Variants in KCTD16 observed in about 807,000 individuals in gnomAD.
The protein encoded by KCTD16 is potassium channel tetramerization domain containing 16.
In KCTD16, 13 loss-of-function variants were observed where a neutral mutation model predicts 33.2. That is an observed-to-expected ratio of 0.39 (90% CI 0.25 to 0.62). The LOEUF (loss-of-function observed/expected upper bound fraction) is 0.62. Among genes scored for constraint, KCTD16 ranks in the 20% least tolerant of loss-of-function variants. The pLI is 0.50. For missense variants in KCTD16, 441 were observed against 525.1 expected (o/e 0.84, Z 1.57); for synonymous variants, 197 against 195.3 (o/e 1.01, Z -0.07).
chr5:144,470,938 T>C (rs897881441), intron 3 of KCTD16, among the ~76,000 whole-genome samples: 1 of 152,150 alleles, frequency 6.6e-6, no homozygotes, highest in Non-Finnish European at 1.5e-5. Context: ...CCCAGCACTT[T>C]GGGAGGCCAA....
chr5:144,428,433 CA>C (rs1451378616), intron 3 of KCTD16, among the ~76,000 whole-genome samples: 1 of 152,050 alleles, frequency 6.6e-6, no homozygotes, highest in East Asian at 1.9e-4. Flanking sequence ...GGTAGATTAC[CA>C]AGTCAGAATA....
chr5:144,286,467 T>C (rs1484678870), intron 3 of KCTD16, among the ~76,000 whole-genome samples: 1 of 152,214 alleles, frequency 6.6e-6, no homozygotes, highest in Non-Finnish European at 1.5e-5. Context: ...CAGCTTATAC[T>C]GCAAGCCTTA....
intron 2 of KCTD16, among the ~76,000 whole-genome samples, chr5:144,193,476 G>C (rs2126781364): frequency 6.6e-6 from 1 of 152,066 alleles, no homozygotes; most frequent in South Asian, 2.1e-4. Flanking sequence ...CCCCTCCCCA[G>C]AGTCTCAGCC....
At chr5:144,181,318 AAAAC>A (rs1351573778) in intron 2 of KCTD16, among the ~76,000 whole-genome samples, 1 of 152,186 alleles carries the variant, frequency 6.6e-6, no homozygotes, top group East Asian at 1.9e-4. Context: ...ATGTAATTGA[AAAAC>A]AAAACAAAAC....
chr5:144,211,912 C>T (rs1476827547), intron 3 of KCTD16, among the ~76,000 whole-genome samples: 1 of 152,122 alleles, frequency 6.6e-6, no homozygotes, highest in East Asian at 1.9e-4. Context: ...CCAGTTCTTT[C>T]TCCCATGCCA....
At chr5:144,366,509 G>A (rs1388976972) in intron 3 of KCTD16, among the ~76,000 whole-genome samples, 1 of 152,162 alleles carries the variant, frequency 6.6e-6, no homozygotes, top group Non-Finnish European at 1.5e-5. Flanking sequence ...AGAATAAGGA[G>A]TTTGGAATTC....
chr5:144,455,541 A>G (rs1001596530), intron 3 of KCTD16, among the ~76,000 whole-genome samples: 8 of 152,190 alleles, frequency 5.3e-5, no homozygotes, highest in Non-Finnish European at 8.8e-5. Flanking sequence ...GCAAGACACA[A>G]CTACTGTGTT....
At chr5:144,181,305 G>A (rs553892589) in intron 2 of KCTD16, among the ~76,000 whole-genome samples, 1 of 152,198 alleles carries the variant, frequency 6.6e-6, no homozygotes, top group Admixed American at 6.5e-5. Context: ...ACTTCTCAAT[G>A]GGATGTAATT....
At chr5:144,436,982 G>A (rs73299612) in intron 3 of KCTD16, among the ~76,000 whole-genome samples, 11,888 of 152,152 alleles carry the variant, frequency 0.078, 1,553 homozygotes, top group African/African-American at 0.27. Context: ...ATTCTTGGCT[G>A]TTGATGATAA....
intron 3 of KCTD16, among the ~76,000 whole-genome samples, chr5:144,393,685 G>A (rs1033183806): frequency 2.6e-5 from 4 of 152,092 alleles, no homozygotes; most frequent in African/African-American, 9.7e-5. Flanking sequence ...GAGAGAGTAG[G>A]CTATATATTT....
At chr5:144,388,361 G>A (rs111549346) in intron 3 of KCTD16, among the ~76,000 whole-genome samples, 4,504 of 152,062 alleles carry the variant, frequency 0.03, 108 homozygotes, top group African/African-American at 0.055. Context: ...GATTACAGGC[G>A]TGAGCCACCG....
chr5:144,370,522 C>T (rs1038541418), intron 3 of KCTD16, among the ~76,000 whole-genome samples: 6 of 152,074 alleles, frequency 3.9e-5, no homozygotes, highest in East Asian at 1.9e-4. Flanking sequence ...CAGAAGGGAC[C>T]GGATCAACTT....
chr5:144,462,755 G>A (rs953744594), intron 3 of KCTD16, among the ~76,000 whole-genome samples: 18 of 151,998 alleles, frequency 1.2e-4, no homozygotes, highest in East Asian at 7.7e-4. Context: ...GTTCCATGCC[G>A]TCTGGTCTTG....
chr5:144,237,768 A>C (rs192171959), intron 3 of KCTD16, among the ~76,000 whole-genome samples: 1 of 152,098 alleles, frequency 6.6e-6, no homozygotes, highest in Admixed American at 6.6e-5. Context: ...CTCCACCTCC[A>C]TGTAAGTTAT....
At chr5:144,452,259 G>A (rs1216741636) in intron 3 of KCTD16, among the ~76,000 whole-genome samples, 1 of 151,154 alleles carries the variant, frequency 6.6e-6, no homozygotes, top group Non-Finnish European at 1.5e-5. Flanking sequence ...CAGATTCCCA[G>A]GATAATCTAT....
chr5:144,310,056 G>A (rs1751719638), intron 3 of KCTD16, among the ~76,000 whole-genome samples: 1 of 147,864 alleles, frequency 6.8e-6, no homozygotes, highest in South Asian at 2.1e-4. Context: ...TTTAAATACT[G>A]TGTTGCCTTA....
chr5:144,250,453 C>T (rs1467543950), intron 3 of KCTD16, among the ~76,000 whole-genome samples: 1 of 152,174 alleles, frequency 6.6e-6, no homozygotes, highest in African/African-American at 2.4e-5. Context: ...ACAAAATTGA[C>T]ATTTTACATT....
At chr5:144,302,263 A>G (rs1425493711) in intron 3 of KCTD16, among the ~76,000 whole-genome samples, 1 of 152,226 alleles carries the variant, frequency 6.6e-6, no homozygotes, top group South Asian at 2.1e-4. Flanking sequence ...ATGAATTTCA[A>G]AGTACTCTGG....
At chr5:144,276,995 GT>G (rs1755456501) in intron 3 of KCTD16, among the ~76,000 whole-genome samples, 1 of 152,012 alleles carries the variant, frequency 6.6e-6, no homozygotes, top group African/African-American at 2.4e-5. Flanking sequence ...CATATCCTGT[GT>G]TTTATACACA....
Sources: allele counts gnomAD v4.1 joint callset (sites outside exome capture counted in the v4.1 genomes callset), GRCh38; gene constraint gnomAD v4.1.1; transcripts MANE v1.5; gene names NCBI Gene and HGNC (gene_info 2026-07-23, HGNC 2026-07-21).